Variants in SH3TC1 observed in about 807,000 individuals in gnomAD.
SH3TC1 encodes the protein SH3 domain and tetratricopeptide repeat-containing protein 1.
Under a neutral mutation model 117.3 loss-of-function variants are expected in SH3TC1, and 135 were observed. The ratio of observed to expected loss-of-function variants is 1.15; its 90% CI spans 1.00 to 1.33. SH3TC1 has a LOEUF of 1.33. Among genes scored for constraint, SH3TC1 ranks in the 40% most tolerant of loss-of-function variants. SH3TC1 has a pLI of 0.00. For synonymous variants in SH3TC1, 898 were observed against 816.9 expected (o/e 1.10, Z -1.69); for missense variants, 2,092 against 1,794.3 (o/e 1.17, Z -3.00).
Position 8,205,396 on chromosome 4 carries a change from C to CG in SH3TC1, c.172+30_172+31insG. 6.6e-7 allele frequency: 1 copy of CG among 1,525,004 alleles called. No homozygotes were observed. Among genetic ancestry groups the CG allele is most frequent in the Non-Finnish European group, 8.8e-7 (1 of 1,133,126 alleles). The allele number at this position is 1,525,004 out of a possible 1,614,324, so 94.5% of individuals were successfully genotyped here. ...GTTCATTCCACCCTCACCACCCGCC[C>CG]TCCATCCCACCCACTTCTCCACCCC... On this transcript the variant is annotated intron_variant, in intron 2 of 17. Transcript: ENST00000245105. The surrounding 1 kb of genome is among the most constrained non-coding windows in gnomAD (Gnocchi z 5.4).
In SH3TC1 at chr4:8,227,158, A is replaced by T. The variant is rs2152991269; in HGVS notation, c.1464A>T (p.Glu488Asp). 1 of 1,608,112 alleles carries T rather than the reference A, an allele frequency of 6.2e-7. No homozygotes were observed. The highest frequency in any genetic ancestry group is 1.3e-5 in the African/African-American group (1 of 74,816). ...CCGAGGAGCCCTCCTTCTGCTTGGAAGCCGAGGACGACTGGGAGGACCCAG... is the reference window on the plus strand; with the variant it reads ...CCGAGGAGCCCTCCTTCTGCTTGGATGCCGAGGACGACTGGGAGGACCCAG... ...QDPEEPSFCL[E>D]AEDDWEDPEA... Residue 488 changes from glutamate (E) to aspartate (D), a missense_variant, in exon 12 of 18, where the codon GAA (glutamate) becomes GAT (aspartate). Glu to Asp is a conservative substitution (Grantham distance 45). Coordinates refer to ENST00000245105, the MANE Select transcript of SH3TC1 (RefSeq NM_018986.5).
Position 8,227,793 on chromosome 4 carries a change from C to A in SH3TC1, c.2099C>A (p.Ala700Asp), listed in dbSNP as rs777556226. 3 of 1,612,680 alleles carry A rather than the reference C, an allele frequency of 1.9e-6. No individual in the cohort carries two copies. The Admixed American group carries it at 5.0e-5, about 27-fold the overall frequency. The change falls in exon 12 of 18, where the codon GCC becomes GAC. Residue 700 changes from alanine (A) to aspartate (D), a missense_variant. Ala to Asp is a moderately radical substitution (Grantham distance 126). Coordinates refer to ENST00000245105, the MANE Select transcript of SH3TC1 (RefSeq NM_018986.5). Reference sequence around the variant, plus strand: ...CTGCTTTTGCACAGGGACTCGGGAGCCCCAGAGGCCGCGTGGCTCTCAGAC... The same window carrying A: ...CTGCTTTTGCACAGGGACTCGGGAGACCCAGAGGCCGCGTGGCTCTCAGAC... ...RLLLLHRDSG[A>D]PEAAWLSDCY...
chr4:8,225,267 G>A lies in SH3TC1; in HGVS notation c.1285+51G>A, dbSNP rs1236505397. 1 of 1,582,602 alleles carries A rather than the reference G, an allele frequency of 6.3e-7. No individual in the cohort carries two copies. Among genetic ancestry groups the A allele is most frequent in the Middle Eastern group, 1.7e-4 (1 of 5,858 alleles). ...TCCTCTGGTTATGAGCTGGGCCTTG[G>A]GGTAACGCTGGGGGAGGTGACAAAG... On this transcript the variant is annotated intron_variant, in intron 11 of 17. Transcript: ENST00000245105. This position sits in a 1 kb window ranked among gnomAD's most constrained non-coding sequence, Gnocchi z 5.5.
chr4:8,226,186 G>C (rs143814166), intron 11 of SH3TC1, among the ~76,000 whole-genome samples: 295 of 152,188 alleles, frequency 1.9e-3, no homozygotes, highest in Non-Finnish European at 1.3e-3. Flanking sequence ...GTCTCCTTTC[G>C]TCCCAGGTTT....
intron 16 of SH3TC1, chr4:8,236,654 C>G (rs1325138770): frequency 2.1e-6 from 1 of 480,492 alleles, no homozygotes; most frequent in Admixed American, 4.0e-5. Context: ...TGTGCCTCTT[C>G]CCCCTGCTGA....
chr4:8,228,701 CT>C lies in SH3TC1; in HGVS notation c.2950+58del. The C allele has an allele frequency of 2.3e-6, 3 of 1,311,696 alleles. No individual in the cohort carries two copies. In the South Asian group the frequency reaches 4.7e-5, roughly 21 times the overall value. 81.3% of individuals were successfully genotyped at this position (1,311,696 alleles called of 1,614,324 possible). On this transcript the variant is annotated intron_variant, in intron 12 of 17. Transcript: ENST00000245105. ...CGGGGCCACTCGGGTCAGGGCACAC[CT>C]GGGGTTTGTGATTCAGACACAAGCG...
chr4:8,223,802 T>C (rs1405046903), intron 10 of SH3TC1, among the ~76,000 whole-genome samples: 1 of 151,944 alleles, frequency 6.6e-6, no homozygotes, highest in Non-Finnish European at 1.5e-5. Flanking sequence ...CCTGGATTAG[T>C]TTTGCATTTT....
At chr4:8,187,276 G>A (rs955691328) in intron 1 of SH3TC1, among the ~76,000 whole-genome samples, 10 of 152,226 alleles carry the variant, frequency 6.6e-5, no homozygotes, top group Admixed American at 3.3e-4. Flanking sequence ...AAGGACACCT[G>A]CTATCAACAG....
Position 8,230,262 on chromosome 4 carries a change from T to C in SH3TC1, c.2950+1618T>C, listed in dbSNP as rs149258979. On this transcript the variant is annotated intron_variant, in intron 12 of 17. Coordinates refer to ENST00000245105, the MANE Select transcript of SH3TC1 (RefSeq NM_018986.5). ...GTCAGGTCAGCAATAATGTTCCCTC[T>C]TTCATTTCTGATTTTAGAAACTTGG... Among the ~76,000 whole-genome samples, 347 of 152,358 alleles carry C rather than the reference T, an allele frequency of 2.3e-3. 2 individuals are homozygous for C. Among genetic ancestry groups the C allele is most frequent in the Non-Finnish European group, 3.9e-3 (268 of 68,028 alleles).
chr4:8,217,013 G>C lies in SH3TC1; in HGVS notation c.685G>C (p.Asp229His). 1 of 1,613,890 alleles carries C rather than the reference G, an allele frequency of 6.2e-7. No individual in the cohort carries two copies. The highest frequency in any genetic ancestry group is 1.3e-5 in the African/African-American group (1 of 75,062). ...TGTGAGAGTGATGACGGGTCCCCGG[G>C]ATGCAGGAAATGGCCCCCAGGCCCT... ...HHVRVMTGPR[D>H]AGNGPQALRQ... Residue 229 changes from aspartate (D) to histidine (H), a missense_variant, in exon 7 of 18, where the codon GAT becomes CAT. Physicochemically the swap from Asp to His is moderately conservative, Grantham distance 81. Coordinates refer to ENST00000245105, the MANE Select transcript of SH3TC1 (RefSeq NM_018986.5).
In SH3TC1 at chr4:8,205,513, C is replaced by A; in HGVS notation, c.172+147C>A. 1.8e-6 allele frequency: 2 copies of A among 1,114,986 alleles called. No individual in the cohort carries two copies. Among genetic ancestry groups the A allele is most frequent in the Non-Finnish European group, 2.7e-6 (2 of 734,940 alleles). 69.1% of individuals were successfully genotyped at this position (1,114,986 alleles called of 1,614,324 possible). A position where few individuals can be genotyped will look rare whatever the true frequency, so the allele number is the denominator to read the frequency against. ...GTCTGCTCTCCATCACTTCTCGTTT[C>A]CTTCCCCCGCGTGTGTTTAACAGGA... On this transcript the variant is annotated intron_variant, in intron 2 of 17. Coordinates refer to ENST00000245105, the MANE Select transcript of SH3TC1 (RefSeq NM_018986.5). The surrounding 1 kb of genome is among the most constrained non-coding windows in gnomAD (Gnocchi z 5.4).
At position 8,192,917 on chromosome 4, in the gene SH3TC1, G is replaced by C. The variant is rs374957004; in HGVS notation, c.-57+10707G>C. 6.6e-6 allele frequency among the ~76,000 whole-genome samples: 1 copy of C among 152,240 alleles called. No individual in the cohort carries two copies. The highest frequency in any genetic ancestry group is 2.4e-5 in the African/African-American group (1 of 41,456). On this transcript the variant is annotated intron_variant, in intron 1 of 16. Transcript: ENST00000508641. The surrounding 1 kb of genome is among the most constrained non-coding windows in gnomAD (Gnocchi z 4.1). ...CATGACCAGGGTGGAGCAGTGAAGCGGGGCCTGACGTGATGTACCATGTTT... is the reference window on the plus strand; with the variant it reads ...CATGACCAGGGTGGAGCAGTGAAGCCGGGCCTGACGTGATGTACCATGTTT...
chr4:8,232,854 C>T (rs1721370341), intron 13 of SH3TC1: 7 of 1,254,614 alleles, frequency 5.6e-6, no homozygotes, highest in Non-Finnish European at 7.2e-6. Flanking sequence ...GAGCCATGTT[C>T]TCAAAGTGTG....
chr4:8,217,062 A>G lies in SH3TC1; in HGVS notation c.734A>G (p.Gln245Arg). The change falls in exon 7 of 18, where the codon CAG becomes CGG. Residue 245 changes from glutamine (Q) to arginine (R), a missense_variant. By Grantham distance (43) the Gln-to-Arg change is conservative (BLOSUM62 1). Transcript: ENST00000245105. Reference protein sequence around the residue: ...QALRQASGAPQGEAAPETDSS... With the variant: ...QALRQASGAPRGEAAPETDSS... The stretch of plus-strand genomic sequence containing the variant: ...CTCAGGCAGGCTTCGGGGGCACCCC[A>G]GGGAGAGGCGGCCCCGGAAACAGAC... 1 of 1,612,922 alleles carries G rather than the reference A, an allele frequency of 6.2e-7. No homozygotes were observed. Among genetic ancestry groups the G allele is most frequent in the Non-Finnish European group, 8.5e-7 (1 of 1,179,534 alleles).
chr4:8,203,635 C>T (rs1717982582), intron 1 of SH3TC1, among the ~76,000 whole-genome samples: 1 of 152,100 alleles, frequency 6.6e-6, no homozygotes, highest in Non-Finnish European at 1.5e-5. Context: ...GAAATAAGCC[C>T]AGCATCTCCG....
At chr4:8,231,180 CAT>C (rs1721171507) in intron 12 of SH3TC1, 1 of 152,242 alleles carries the variant, frequency 6.6e-6, no homozygotes, top group Non-Finnish European at 1.5e-5. Context: ...GTCATTTCCA[CAT>C]ATTTTTGACT....
intron 9 of SH3TC1, 101 bp from the exon 10 acceptor site, chr4:8,222,739 G>A (rs868363296): frequency 3.5e-6 from 5 of 1,448,704 alleles, no homozygotes; most frequent in Middle Eastern, 2.3e-4. Flanking sequence ...GTAGTGCTCC[G>A]AGACTATCTG....
chr4:8,184,521 A>G (rs1717168150), intron 1 of SH3TC1, among the ~76,000 whole-genome samples: 1 of 152,190 alleles, frequency 6.6e-6, no homozygotes, highest in African/African-American at 2.4e-5. Flanking sequence ...CTGGGACTAC[A>G]GGCACATGCC....
chr4:8,205,554 G>A lies in SH3TC1; in HGVS notation c.172+188G>A, dbSNP rs1424144476. The A allele has an allele frequency of 1.2e-6, 1 of 866,962 alleles. No homozygotes were observed. The highest frequency in any genetic ancestry group is 1.7e-5 in the Admixed American group (1 of 59,128). 53.7% of individuals were successfully genotyped at this position (866,962 alleles called of 1,614,324 possible). A position where few individuals can be genotyped will look rare whatever the true frequency, so the allele number is the denominator to read the frequency against. On this transcript the variant is annotated intron_variant, in intron 2 of 17. Transcript: ENST00000245105. The surrounding 1 kb of genome is among the most constrained non-coding windows in gnomAD (Gnocchi z 5.4). ...TTTAACAGGAGCCACTGTGCCCGCT[G>A]AGTCACTTGAGAGGCCAGGGCCCAG...
Sources: gnomAD v4.1 joint callset for allele counts (sites outside exome capture counted in the v4.1 genomes callset) on GRCh38, gnomAD v4.1.1 for gene constraint, Gnocchi (gnomAD v3.1) non-coding constraint, MANE v1.5 for transcripts, NCBI Gene and HGNC (gene_info 2026-07-23, HGNC 2026-07-21) for gene names.